Variants in CAMK4 observed in about 807,000 individuals in gnomAD.
CAMK4 encodes the protein calcium/calmodulin dependent protein kinase IV, also known as calcium/calmodulin-dependent protein kinase type IV.
In CAMK4, 22 loss-of-function variants were observed where a neutral mutation model predicts 44.9. The observed-to-expected ratio is 0.49, with a 90% CI of 0.35 to 0.70. CAMK4 has a LOEUF of 0.70. Ranked by LOEUF, CAMK4 falls within the 30% of genes least tolerant of loss-of-function variation. The probability of loss-of-function intolerance (pLI) is 0.01; values close to 1 mark genes in which losing one functional copy is unlikely to be tolerated. For missense variants in CAMK4, 498 were observed against 586.8 expected, an observed-to-expected ratio of 0.85 and a Z score of 1.56; for synonymous variants, 218 against 215.4, an observed-to-expected ratio of 1.01 and a Z score of -0.11.
At chr5:111,293,244 C>T (rs1455770553) in intron 1 of CAMK4, among the ~76,000 whole-genome samples, 3 of 152,082 alleles carry the variant, frequency 2.0e-5, no homozygotes, top group Non-Finnish European at 4.4e-5. Context: ...CTGGGGTGCC[C>T]AGAGGACTAA....
At chr5:111,483,206 A>G (rs867066315) in intron 10 of CAMK4, among the ~76,000 whole-genome samples, 40 of 152,184 alleles carry the variant, frequency 2.6e-4, no homozygotes, top group African/African-American at 8.4e-4. Context: ...GCTGCTTCTC[A>G]TCTAATTAAA....
At chr5:111,300,664 A>G (rs1747682196) in intron 1 of CAMK4, among the ~76,000 whole-genome samples, 1 of 152,238 alleles carries the variant, frequency 6.6e-6, no homozygotes, top group African/African-American at 2.4e-5. Context: ...TGAAACTGCC[A>G]AACTTCACAC....
At chr5:111,457,458 G>C (rs1047709835) in intron 7 of CAMK4, among the ~76,000 whole-genome samples, 1 of 152,196 alleles carries the variant, frequency 6.6e-6, no homozygotes, top group Non-Finnish European at 1.5e-5. Context: ...AATTAAGCAA[G>C]TCTTGTCTTC....
intron 1 of CAMK4, among the ~76,000 whole-genome samples, chr5:111,255,615 A>G (rs182058534): frequency 6.6e-6 from 1 of 152,068 alleles, no homozygotes; most frequent in Non-Finnish European, 1.5e-5. Flanking sequence ...TTTTGTCACA[A>G]CCTTAGCTGA....
intron 1 of CAMK4, among the ~76,000 whole-genome samples, chr5:111,320,004 G>C (rs1397591997): frequency 6.6e-6 from 1 of 152,126 alleles, no homozygotes; most frequent in Non-Finnish European, 1.5e-5. Flanking sequence ...CTTCCAATGA[G>C]TCTAGGATGG....
At chr5:111,443,548 T>C (rs35027204) in intron 5 of CAMK4, among the ~76,000 whole-genome samples, 2,105 of 151,884 alleles carry the variant, frequency 0.014, 40 homozygotes, top group African/African-American at 0.048. Flanking sequence ...CTCTAAACTT[T>C]CCTTCCTTTA....
At chr5:111,295,925 C>T (rs970802416) in intron 1 of CAMK4, among the ~76,000 whole-genome samples, 1 of 152,208 alleles carries the variant, frequency 6.6e-6, no homozygotes, top group African/African-American at 2.4e-5. Context: ...TATCAGTCTT[C>T]ATTTGCTACG....
At chr5:111,390,257 A>G (rs1201063796) in intron 4 of CAMK4, among the ~76,000 whole-genome samples, 1 of 152,178 alleles carries the variant, frequency 6.6e-6, no homozygotes, top group Non-Finnish European at 1.5e-5. Context: ...ATAACTAAAT[A>G]AGGAAAATGA....
chr5:111,491,396 G>C lies in CAMK4; in HGVS notation c.*6930G>C, dbSNP rs1359173925. The C allele has an allele frequency of 6.6e-6, 1 of 151,074 alleles. No individual in the cohort carries two copies. The highest frequency in any genetic ancestry group is 1.5e-5 in the Non-Finnish European group (1 of 67,888). The allele number at this position is 151,074 out of a possible 1,614,324, so 9.4% of individuals were successfully genotyped here. A position where few individuals can be genotyped will look rare whatever the true frequency, so the allele number is the denominator to read the frequency against. On this transcript the variant is annotated 3_prime_UTR_variant, in exon 11 of 11. Transcript: ENST00000282356. ...CATGGCACCCCAATGCCTTTTTGGT[G>C]ACTTGCAGGAATACAGATTCCTATA...
chr5:111,431,006 TAAGC>T (rs1374944803), intron 5 of CAMK4, among the ~76,000 whole-genome samples: 1 of 152,020 alleles, frequency 6.6e-6, no homozygotes, highest in Admixed American at 6.5e-5. Context: ...AGCACTATTC[TAAGC>T]AAGCAAGCAA....
chr5:111,416,548 G>C (rs1324309589), intron 5 of CAMK4: 1 of 152,154 alleles, frequency 6.6e-6, no homozygotes, highest in Non-Finnish European at 1.5e-5. Flanking sequence ...CAAGATGTTG[G>C]ATATACCATC....
At chr5:111,252,169 A>T (rs1379097273) in intron 1 of CAMK4, among the ~76,000 whole-genome samples, 1 of 152,162 alleles carries the variant, frequency 6.6e-6, no homozygotes, top group Non-Finnish European at 1.5e-5. Context: ...GTCGTCATAC[A>T]CTTTCCAAGA....
At chr5:111,308,273 G>T (rs1048652750) in intron 1 of CAMK4, among the ~76,000 whole-genome samples, 1 of 146,130 alleles carries the variant, frequency 6.8e-6, no homozygotes, top group South Asian at 2.2e-4. Flanking sequence ...TAAAATAAAT[G>T]TATCAAAACT....
rs2112510773 is a variant in CAMK4 at position 111,486,581 on chromosome 5, G to C, written c.*2115G>C. ...AAAGAGAGGGAAGGGGGTCTTTTTA[G>C]AAAGTGGCACTTGGCGCTTAGCTGA... is the stretch of plus-strand genomic sequence containing the variant. On this transcript the variant is annotated 3_prime_UTR_variant, in exon 11 of 11. Transcript: ENST00000282356. 1 of 151,496 alleles carries C rather than the reference G, an allele frequency of 6.6e-6. No homozygotes were observed. Among genetic ancestry groups the C allele is most frequent in the African/African-American group, 2.4e-5 (1 of 41,070 alleles). 9.4% of individuals were successfully genotyped at this position (151,496 alleles called of 1,614,324 possible).
intron 5 of CAMK4, among the ~76,000 whole-genome samples, chr5:111,425,989 A>G (rs1041278762): frequency 2.6e-5 from 4 of 152,232 alleles, no homozygotes; most frequent in African/African-American, 9.6e-5. Context: ...AGTTCATGAC[A>G]GAACATTTTT....
chr5:111,365,875 T>A (rs1438253880), intron 2 of CAMK4, among the ~76,000 whole-genome samples: 1 of 152,262 alleles, frequency 6.6e-6, no homozygotes, highest in Non-Finnish European at 1.5e-5. Context: ...GATATTTGTA[T>A]GTGTCCTGCA....
intron 2 of CAMK4, among the ~76,000 whole-genome samples, chr5:111,350,416 T>A (rs925573684): frequency 3.9e-5 from 6 of 152,016 alleles, no homozygotes; most frequent in African/African-American, 1.4e-4. Context: ...GGTTTTGGAG[T>A]ACTTTTGAAA....
intron 8 of CAMK4, among the ~76,000 whole-genome samples, chr5:111,478,084 T>G (rs1429287237): frequency 6.6e-6 from 1 of 150,822 alleles, no homozygotes; most frequent in Non-Finnish European, 1.5e-5. Flanking sequence ...TTATTGTTCT[T>G]CTGTGTAATA....
At chr5:111,424,892 G>A (rs1422924078) in intron 5 of CAMK4, among the ~76,000 whole-genome samples, 8 of 152,044 alleles carry the variant, frequency 5.3e-5, no homozygotes, top group Non-Finnish European at 1.2e-4. Flanking sequence ...AGCTGGGTGT[G>A]GTGGCTCACA....
Sources: gnomAD v4.1 joint callset for allele counts (sites outside exome capture counted in the v4.1 genomes callset) on GRCh38, gnomAD v4.1.1 for gene constraint, MANE v1.5 for transcripts, NCBI Gene and HGNC (gene_info 2026-07-23, HGNC 2026-07-21) for gene names.